ARHGAP39: variants seen among roughly 807,000 people sequenced by gnomAD.
ARHGAP39 encodes the protein Rho GTPase activating protein 39.
ARHGAP39 carries 44 observed loss-of-function variants against 106.9 expected under a neutral mutation model. The observed-to-expected ratio is 0.41, with a 90% CI of 0.32 to 0.53. ARHGAP39 has a LOEUF of 0.53. Ranked by LOEUF, ARHGAP39 falls within the 20% of genes least tolerant of loss-of-function variation. The pLI is 0.21. For synonymous variants in ARHGAP39, 768 were observed against 693.2 expected (o/e 1.11, Z -1.69); for missense variants, 1,496 against 1,577.3 (o/e 0.95, Z 0.87).
At position 144,533,322 on chromosome 8, in the gene ARHGAP39, G is replaced by A. The variant is rs751140338; in HGVS notation, c.2692C>T (p.Leu898=). ...KAALTGAKKG[L]KKPNVEEIRH... is the part of the protein sequence containing the mutation. ...ATCTCCTCCACGTTGGGCTTCTTCA[G>A]CCCCTGTGAAGACAGAGGCTCCGTC... Residue 898 remains leucine, a synonymous_variant, in exon 9 of 12, where the codon CTG becomes TTG. Coordinates refer to ENST00000377307, the MANE Select transcript of ARHGAP39 (RefSeq NM_025251.3). The A allele has an allele frequency of 1.2e-6, 2 of 1,612,418 alleles. No homozygotes were observed. The highest frequency in any genetic ancestry group is 1.3e-5 in the African/African-American group (1 of 74,912).
rs1822327847 is a variant in ARHGAP39 at position 144,679,300 on chromosome 8, C to A, written c.-82+6386G>T. ...CTCACCTTCCCCATAGGAGGCTGTA[C>A]GTCACACCCTGCTTTGGTCCGTGGA... On this transcript the variant is annotated intron_variant, in intron 1 of 11. Transcript: ENST00000377307. The surrounding 1 kb of genome is among the most constrained non-coding windows in gnomAD (Gnocchi z 4.7). 6.6e-6 allele frequency among the ~76,000 whole-genome samples: 1 copy of A among 152,184 alleles called. No homozygotes were observed. The highest frequency in any genetic ancestry group is 2.1e-4 in the South Asian group (1 of 4,830).
At chr8:144,570,082 G>A (rs562639066) in intron 3 of ARHGAP39, among the ~76,000 whole-genome samples, 59 of 152,290 alleles carry the variant, frequency 3.9e-4, no homozygotes, top group African/African-American at 1.3e-3. Context: ...TTAACCAGGC[G>A]TGGTGGCTCA....
Position 144,536,492 on chromosome 8 carries a change from G to A in ARHGAP39, c.2614+1229C>T, listed in dbSNP as rs551963940. On this transcript the variant is annotated intron_variant, in intron 7 of 11. Coordinates refer to ENST00000377307, the MANE Select transcript of ARHGAP39 (RefSeq NM_025251.3). ...GGAGGCTTTTATGGCCAGCGGTGTC[G>A]GTCCAGCTCTCAGGCCACCGGACGC... is the stretch of plus-strand genomic sequence containing the variant. Among the ~76,000 whole-genome samples the A allele has an allele frequency of 3.5e-3, 533 of 152,266 alleles. 1 individual carries two copies. Among genetic ancestry groups the A allele is most frequent in the Non-Finnish European group, 6.4e-3 (436 of 68,004 alleles).
rs558142104 is a variant in ARHGAP39, at chr8:144,679,244, A to G, written c.-82+6442T>C. Among the ~76,000 whole-genome samples, 1 of 152,310 alleles carries G rather than the reference A, an allele frequency of 6.6e-6. No individual in the cohort carries two copies. Among genetic ancestry groups the G allele is most frequent in the South Asian group, 2.1e-4 (1 of 4,828 alleles). On this transcript the variant is annotated intron_variant, in intron 1 of 11. Coordinates refer to ENST00000377307, the MANE Select transcript of ARHGAP39 (RefSeq NM_025251.3). This position sits in a 1 kb window ranked among gnomAD's most constrained non-coding sequence, Gnocchi z 4.7. ...CCCAGACAGCAGGTACGGGCTCCTC[A>G]GCTCTGCTCAGCACAGCGTCCGAGC...
chr8:144,555,755 C>T lies in ARHGAP39; in HGVS notation c.513-112G>A, dbSNP rs1224857858. The T allele has an allele frequency of 7.8e-4, 706 of 899,712 alleles. 4 individuals carry two copies. Among genetic ancestry groups the T allele is most frequent in the Non-Finnish European group, 9.5e-5 (53 of 557,136 alleles). The allele number at this position is 899,712 out of a possible 1,614,324, so 55.7% of individuals were successfully genotyped here. A position where few individuals can be genotyped will look rare whatever the true frequency, so the allele number is the denominator to read the frequency against. On this transcript the variant is annotated intron_variant, in intron 3 of 11. Coordinates refer to ENST00000377307, the MANE Select transcript of ARHGAP39 (RefSeq NM_025251.3). ...TGCCACCTCAATTTCCTGGAAATAACCTGGCTCCTGCCCCCAGGCTGTATT... is the reference window on the plus strand; with the variant it reads ...TGCCACCTCAATTTCCTGGAAATAATCTGGCTCCTGCCCCCAGGCTGTATT...
intron 1 of ARHGAP39, among the ~76,000 whole-genome samples, chr8:144,617,372 A>G (rs1820664292): frequency 7.1e-6 from 1 of 141,004 alleles, no homozygotes; most frequent in Non-Finnish European, 1.7e-5. Context: ...AGCAAGAGCC[A>G]GGAGACCTGA....
At chr8:144,638,283 C>T (rs1821226007) in intron 1 of ARHGAP39, among the ~76,000 whole-genome samples, 2 of 152,214 alleles carry the variant, frequency 1.3e-5, no homozygotes, top group South Asian at 4.1e-4. Context: ...TTAAAATCTT[C>T]TCTTGGTCTT....
At chr8:144,546,998 G>A (rs953670646) in intron 5 of ARHGAP39, 129 bp downstream of exon 5, 2 of 1,199,164 alleles carry the variant, frequency 1.7e-6, no homozygotes, top group East Asian at 2.8e-5. Flanking sequence ...CCGGAGACAC[G>A]GGGCTTCAGA....
chr8:144,655,432 A>ACTCCCT (rs1821670403), intron 1 of ARHGAP39, among the ~76,000 whole-genome samples: 2 of 152,136 alleles, frequency 1.3e-5, no homozygotes, highest in African/African-American at 4.8e-5. Flanking sequence ...GGAGCAGCCC[A>ACTCCCT]ATCCAGGGCT....
chr8:144,685,591 G>A (rs913989441), intron 1 of ARHGAP39, among the ~76,000 whole-genome samples, 95 bp downstream of exon 1: 1 of 148,440 alleles, frequency 6.7e-6, no homozygotes, highest in Non-Finnish European at 1.5e-5. Flanking sequence ...TGGAGCCTCC[G>A]CCGAGGCTGG....
At chr8:144,637,105 C>T (rs1460139288) in intron 1 of ARHGAP39, among the ~76,000 whole-genome samples, 3 of 152,148 alleles carry the variant, frequency 2.0e-5, no homozygotes, top group Non-Finnish European at 4.4e-5. Flanking sequence ...GACTCTGGGA[C>T]ATTTTGTTCA....
In ARHGAP39 at chr8:144,547,461, T is replaced by A; in HGVS notation, c.1625A>T (p.Glu542Val). 6.4e-7 allele frequency: 1 copy of A among 1,558,902 alleles called. No individual in the cohort carries two copies. Among genetic ancestry groups the A allele is most frequent in the Non-Finnish European group, 8.6e-7 (1 of 1,158,648 alleles). ...SLAPVKRAEG[E>V]AEGARGAAEP... ...GGCCGCGCCCCGCGCCCCTTCGGCC[T>A]CACCTTCCGCTCGCTTCACGGGGGC... Residue 542 changes from glutamate to valine, a missense_variant, in exon 5 of 12, where the codon GAG becomes GTG. Around this residue, in one of 4 missense-constraint regions of ARHGAP39, gnomAD observed 905 missense variants for 816.4 expected, o/e 1.11. Transcript: ENST00000377307. This position sits in a 1 kb window ranked among gnomAD's most constrained non-coding sequence, Gnocchi z 5.2.
rs1362531301 is a variant in ARHGAP39, at chr8:144,641,527, G to C, written c.-81-35832C>G. On this transcript the variant is annotated intron_variant, in intron 1 of 11. Coordinates refer to ENST00000377307, the MANE Select transcript of ARHGAP39 (RefSeq NM_025251.3). This position sits in a 1 kb window ranked among gnomAD's most constrained non-coding sequence, Gnocchi z 5.2. ...GGGCCCTGGCAGCACCACCTGACCT[G>C]TCTCCTGGCATCCCCTCAGCTCTCC... Among the ~76,000 whole-genome samples the C allele has an allele frequency of 6.6e-6, 1 of 152,184 alleles. No homozygotes were observed. The highest frequency in any genetic ancestry group is 2.1e-4 in the South Asian group (1 of 4,826).
rs138210681 is a variant in ARHGAP39 at position 144,684,525 on chromosome 8, G to C, written c.-82+1161C>G. Among the ~76,000 whole-genome samples the C allele has an allele frequency of 3.3e-5, 5 of 152,238 alleles. No homozygotes were observed. Among genetic ancestry groups the C allele is most frequent in the Non-Finnish European group, 5.9e-5 (4 of 68,034 alleles). On this transcript the variant is annotated intron_variant, in intron 1 of 11. Transcript: ENST00000377307. The surrounding 1 kb of genome is among the most constrained non-coding windows in gnomAD (Gnocchi z 4.4). ...CTGGTTAAACCCGTACAGCACTGAG[G>C]GGGAGGGGGCCCGGCTGCGTTTCCG...
chr8:144,696,302 T>G, the ARHGAP39 span, among the ~76,000 whole-genome samples: 1 of 152,130 alleles, frequency 6.6e-6, no homozygotes, highest in African/African-American at 2.4e-5. Flanking sequence ...CCACACTTGG[T>G]TAATTTTTGT....
In ARHGAP39 at chr8:144,671,631, A is replaced by G. The variant is rs753185556; in HGVS notation, c.-82+14055T>C. Among the ~76,000 whole-genome samples, 18 of 152,348 alleles carry G rather than the reference A, an allele frequency of 1.2e-4. No homozygotes were observed. The highest frequency in any genetic ancestry group is 3.4e-3 in the Middle Eastern group (1 of 294). ...GTGCCTGGTGAATAGCCCAAGGCTC[A>G]GCTGCTGATACTCCTCCTTTCCAGA... On this transcript the variant is annotated intron_variant, in intron 1 of 11. Transcript: ENST00000377307. This position sits in a 1 kb window ranked among gnomAD's most constrained non-coding sequence, Gnocchi z 4.5.
At chr8:144,589,148 CCCTGGTG>C (rs1233619518) in intron 2 of ARHGAP39, among the ~76,000 whole-genome samples, 2 of 152,162 alleles carry the variant, frequency 1.3e-5, no homozygotes, top group African/African-American at 4.8e-5. Context: ...GGCCGGAGGA[CCCTGGTG>C]CAGTGGACAC....
At chr8:144,541,306 G>A (rs1054194680) in intron 6 of ARHGAP39, among the ~76,000 whole-genome samples, 4 of 152,144 alleles carry the variant, frequency 2.6e-5, no homozygotes, top group African/African-American at 9.7e-5. Flanking sequence ...TACCGTTTGT[G>A]GTCCACATGC....
At position 144,548,281 on chromosome 8, in the gene ARHGAP39, C is replaced by T. The variant is rs1251937720; in HGVS notation, c.805G>A (p.Glu269Lys). ...TTCAGGAAGGGTGACGGCCTCCTCT[C>T]TGGGAAGAAGATGGTGCCGTCAGCC... ...PEADGTIFFP[E>K]RRPSPFLKRA... The change falls in exon 5 of 12, where the codon GAG becomes AAG. Residue 269 changes from glutamate (E) to lysine (K), a missense_variant. Coordinates refer to ENST00000377307, the MANE Select transcript of ARHGAP39 (RefSeq NM_025251.3). This position sits in a 1 kb window ranked among gnomAD's most constrained non-coding sequence, Gnocchi z 7.4. The T allele has an allele frequency of 6.2e-7, 1 of 1,608,956 alleles. No individual in the cohort carries two copies.
Sources: allele counts gnomAD v4.1 joint callset (sites outside exome capture counted in the v4.1 genomes callset), GRCh38; gene constraint gnomAD v4.1.1; regional missense constraint gnomAD v4.1.1; non-coding constraint Gnocchi (gnomAD v3.1); transcripts MANE v1.5; gene names NCBI Gene and HGNC (gene_info 2026-07-23, HGNC 2026-07-21).